ZFR: variants seen among roughly 807,000 people sequenced by gnomAD.
ZFR encodes zinc finger RNA binding protein.
A neutral mutation model predicts 130.7 loss-of-function variants in ZFR; 19 were observed. The observed-to-expected ratio is 0.15, with a 90% CI of 0.10 to 0.21. The LOEUF (loss-of-function observed/expected upper bound fraction) is 0.21. Among genes scored for constraint, ZFR ranks in the 10% least tolerant of loss-of-function variants. The pLI is 1.00. For synonymous variants in ZFR, 466 were observed against 456.9 expected (o/e 1.02, Z -0.25); for missense variants, 872 against 1,321.5 (o/e 0.66, Z 5.27).
chr5:32,372,676 T>C (rs1459565384), intron 17 of ZFR, among the ~76,000 whole-genome samples: 2 of 151,826 alleles, frequency 1.3e-5, no homozygotes, highest in Admixed American at 1.3e-4. Flanking sequence ...CTACTAAAAA[T>C]ACAAAAATTA....
intron 6 of ZFR, 75 bp downstream of exon 6, chr5:32,406,699 T>C (rs1250231469): frequency 2.7e-6 from 4 of 1,483,894 alleles, no homozygotes; most frequent in Non-Finnish European, 3.6e-6. Flanking sequence ...CCTCTTTTAG[T>C]AGGCTCAGGA....
Position 32,444,665 on chromosome 5 carries a change from G to A in ZFR, c.-7C>T. 1 of 1,510,732 alleles carries A rather than the reference G, an allele frequency of 6.6e-7. No homozygotes were observed. Among genetic ancestry groups the A allele is most frequent in the East Asian group, 2.8e-5 (1 of 35,388 alleles). The allele number at this position is 1,510,732 out of a possible 1,614,324, so 93.6% of individuals were successfully genotyped here. ...CAGGGCATATGGGAATCATGGGCTC[G>A]GGCTGCTGCTGCTGAACTCTGAACT... is the stretch of plus-strand genomic sequence containing the variant. On this transcript the variant is annotated 5_prime_UTR_variant, in exon 1 of 20. Transcript: ENST00000265069.
intron 11 of ZFR, 98 bp from the exon 12 acceptor site, chr5:32,390,535 A>C: frequency 8.5e-7 from 1 of 1,177,160 alleles, no homozygotes; most frequent in Non-Finnish European, 1.1e-6. Context: ...AACCCCACCA[A>C]CATCAGCCTA....
chr5:32,397,089 T>C (rs1581696260), intron 10 of ZFR, 130 bp downstream of exon 10: 1 of 999,622 alleles, frequency 1.0e-6, no homozygotes, highest in East Asian at 2.6e-5. Context: ...CATGACATGC[T>C]AATCTTAGAA....
intron 2 of ZFR, among the ~76,000 whole-genome samples, chr5:32,440,611 C>A (rs956773712): frequency 1.3e-5 from 2 of 151,298 alleles, no homozygotes; most frequent in Non-Finnish European, 2.9e-5. Context: ...CGTGCCATTG[C>A]ACTCCAGCCT....
rs372448245 is a variant in ZFR at position 32,364,031 on chromosome 5, G to C, written c.2962C>G (p.Leu988Val). The C allele has an allele frequency of 1.2e-6, 2 of 1,614,060 alleles. No individual in the cohort carries two copies. Among genetic ancestry groups the C allele is most frequent in the African/African-American group, 1.3e-5 (1 of 75,026 alleles). Residue 988 changes from leucine to valine, a missense_variant, in exon 19 of 20, where the codon CTG (leucine) becomes GTG (valine). By Grantham distance (32) the Leu-to-Val change is conservative (BLOSUM62 1). This residue lies in a region of ZFR where 158 missense variants were observed against 264.0 expected (regional missense o/e 0.60). Coordinates refer to ENST00000265069, the MANE Select transcript of ZFR (RefSeq NM_016107.5). ...AAGGGATCCTTTTCACAAGGATCCA[G>C]AAGTCCAGGACTACCTACAGCAATC... is the stretch of plus-strand genomic sequence containing the variant. ...GIILKGSPGL[L>V]DPCEKDPFDT... is the part of the protein sequence containing the mutation.
At chr5:32,355,975 A>C in intron 19 of ZFR, 36 bp from the exon 20 acceptor site, 4 of 1,542,008 alleles carry the variant, frequency 2.6e-6, no homozygotes, top group Non-Finnish European at 2.6e-6. Flanking sequence ...GAGTTAATTG[A>C]AAAACCCCAA....
At chr5:32,396,030 C>T (rs529587085) in intron 10 of ZFR, among the ~76,000 whole-genome samples, 2 of 151,862 alleles carry the variant, frequency 1.3e-5, no homozygotes, top group East Asian at 3.9e-4. Flanking sequence ...CAGACTAGCC[C>T]GGCCAACATG....
intron 8 of ZFR, among the ~76,000 whole-genome samples, chr5:32,401,721 A>AATAGATATGTATTTTAATG (rs1753451688): frequency 2.0e-5 from 3 of 152,212 alleles, no homozygotes; most frequent in African/African-American, 7.2e-5. Flanking sequence ...AGACTAACAC[A>AATAGATATGTATTTTAATG]ATAGATATGT....
At chr5:32,409,616 G>A (rs745758022) in intron 5 of ZFR, among the ~76,000 whole-genome samples, 8 of 152,014 alleles carry the variant, frequency 5.3e-5, no homozygotes, top group Non-Finnish European at 7.4e-5. Context: ...ATGGTGGCCA[G>A]GGTGGTCTGA....
chr5:32,384,874 T>G (rs1320636649), intron 15 of ZFR, among the ~76,000 whole-genome samples: 1 of 152,150 alleles, frequency 6.6e-6, no homozygotes, highest in Non-Finnish European at 1.5e-5. Context: ...CTATCTACAT[T>G]TACACAGTTT....
intron 11 of ZFR, among the ~76,000 whole-genome samples, chr5:32,393,462 GCCT>G (rs1423995037): frequency 1.3e-5 from 2 of 151,870 alleles, no homozygotes; most frequent in Non-Finnish European, 2.9e-5. Flanking sequence ...TCCTGCCTCA[GCCT>G]CCTGAGTAGC....
rs1286846549 is a variant in ZFR at position 32,419,959 on chromosome 5, T to C, written c.282A>G (p.Pro94=). 1 of 1,613,958 alleles carries C rather than the reference T, an allele frequency of 6.2e-7. No individual in the cohort carries two copies. Among genetic ancestry groups the C allele is most frequent in the Non-Finnish European group, 8.5e-7 (1 of 1,179,988 alleles). ...AATVAVARPA[P]VAVAAAATAA... The stretch of plus-strand genomic sequence containing the variant: ...CTGTTGCAGCAGCTGCAACAGCTAC[T>C]GGAGCAGGCCTGGCAACTGCAACTG... The change falls in exon 3 of 20, where the codon CCA becomes CCG. Residue 94 remains proline (P), a synonymous_variant. Transcript: ENST00000265069.
rs1415866496 is a variant in ZFR, at chr5:32,415,530, G to GCGCA, written c.566-347_566-344dup. Reference sequence around the variant, plus strand: ...TGTGTGTGTGTGCGCGCGCGCGCGCGCGCACTAGTCAGTCTACTTCAGTTA... The same window carrying GCGCA: ...TGTGTGTGTGTGCGCGCGCGCGCGCGCGCACGCACTAGTCAGTCTACTTCAGTTA... On this transcript the variant is annotated intron_variant, in intron 4 of 19. Transcript: ENST00000265069. 4.0e-5 allele frequency among the ~76,000 whole-genome samples: 6 copies of GCGCA among 151,242 alleles called. No homozygotes were observed. The South Asian group carries it at 6.3e-4, about 16-fold the overall frequency.
intron 5 of ZFR, among the ~76,000 whole-genome samples, chr5:32,410,561 T>C (rs993277115): frequency 6.6e-6 from 1 of 151,818 alleles, no homozygotes; most frequent in Non-Finnish European, 1.5e-5. Context: ...TGAGCTGAGA[T>C]GGTGCCACTG....
In ZFR at chr5:32,403,234, G is replaced by A. The variant is rs776988586; in HGVS notation, c.1388C>T (p.Thr463Met). ...NCTVNTSSVA[T>M]SSMKGLTTTG... ...AGTCGTAAGACCCTTCATTGAAGAC[G>A]TTGCAACTGATGACGTATTCACAGT... The change falls in exon 8 of 20, where the codon ACG (threonine) becomes ATG (methionine). Residue 463 changes from threonine to methionine, a missense_variant. By Grantham distance (81) the Thr-to-Met change is moderately conservative. Around this residue, in one of 7 missense-constraint regions of ZFR, gnomAD observed 143 missense variants for 137.9 expected, o/e 1.04. Transcript: ENST00000265069. 3 of 1,614,064 alleles carry A rather than the reference G, an allele frequency of 1.9e-6. No individual in the cohort carries two copies. Among genetic ancestry groups the A allele is most frequent in the Non-Finnish European group, 1.7e-6 (2 of 1,180,032 alleles).
chr5:32,375,747 T>A (rs1426383235), intron 17 of ZFR, among the ~76,000 whole-genome samples: 2 of 152,196 alleles, frequency 1.3e-5, no homozygotes. Context: ...ACTCAAGCGA[T>A]CCTCCTGCCT....
chr5:32,367,666 C>T (rs1455310823), intron 17 of ZFR, among the ~76,000 whole-genome samples: 1 of 151,960 alleles, frequency 6.6e-6, no homozygotes, highest in African/African-American at 2.4e-5. Flanking sequence ...TTTCCATCTT[C>T]GTGTCCCAAA....
At chr5:32,363,464 T>C (rs570999630) in intron 19 of ZFR, among the ~76,000 whole-genome samples, 18 of 152,250 alleles carry the variant, frequency 1.2e-4, no homozygotes, top group Non-Finnish European at 2.5e-4. Flanking sequence ...ATACTGCTTT[T>C]ATATCCATAT....
Sources: allele counts gnomAD v4.1 joint callset (sites outside exome capture counted in the v4.1 genomes callset), GRCh38; gene constraint gnomAD v4.1.1; regional missense constraint gnomAD v4.1.1; transcripts MANE v1.5; gene names NCBI Gene and HGNC (gene_info 2026-07-23, HGNC 2026-07-21).